PAX7: variants seen among roughly 807,000 people sequenced by gnomAD.
PAX7 encodes paired box 7, also known as paired box protein Pax-7.
A neutral mutation model predicts 50.7 loss-of-function variants in PAX7; 18 were observed. That is an observed-to-expected ratio of 0.36 (90% confidence interval 0.25 to 0.53). PAX7 has a LOEUF of 0.53. Among genes scored for constraint, PAX7 ranks in the 20% least tolerant of loss-of-function variants. The pLI, the probability that PAX7 is intolerant of heterozygous loss-of-function variation, is 0.93. For missense variants in PAX7, 644 were observed against 702.9 expected, an observed-to-expected ratio of 0.92 and a Z score of 0.95; for synonymous variants, 310 against 290.4, an observed-to-expected ratio of 1.07 and a Z score of -0.69.
chr1:18,729,478 G>A (rs1553143358), intron 7 of PAX7, among the ~76,000 whole-genome samples: 1 of 152,214 alleles, frequency 6.6e-6, no homozygotes, highest in Non-Finnish European at 1.5e-5. Flanking sequence ...ACATGCAAGT[G>A]TGTGCATGTG....
chr1:18,645,333 TTGTC>T (rs942896622), intron 4 of PAX7, among the ~76,000 whole-genome samples: 5 of 152,206 alleles, frequency 3.3e-5, no homozygotes, highest in East Asian at 1.9e-4. Context: ...ACTGCACTCT[TTGTC>T]TGACACCACG....
chr1:18,685,392 G>A (rs889435387), intron 4 of PAX7, among the ~76,000 whole-genome samples: 2 of 152,186 alleles, frequency 1.3e-5, no homozygotes, highest in African/African-American at 4.8e-5. Context: ...CACATGCTGT[G>A]TCCTAGGCAT....
chr1:18,670,019 G>T (rs1385894346), intron 4 of PAX7, among the ~76,000 whole-genome samples: 2 of 143,316 alleles, frequency 1.4e-5, no homozygotes, highest in Middle Eastern at 4.2e-3. Context: ...GGAGGCAGAG[G>T]TTGCAGTGAG....
At chr1:18,690,201 G>A (rs939703987) in intron 4 of PAX7, among the ~76,000 whole-genome samples, 1 of 152,182 alleles carries the variant, frequency 6.6e-6, no homozygotes, top group Non-Finnish European at 1.5e-5. Flanking sequence ...AGGAGTGAAT[G>A]AGTCAATGAC....
chr1:18,679,715 T>A (rs2088870720), intron 4 of PAX7, among the ~76,000 whole-genome samples: 1 of 152,216 alleles, frequency 6.6e-6, no homozygotes, highest in African/African-American at 2.4e-5. Flanking sequence ...ACGTGGGGTC[T>A]GTAGGCATGG....
At chr1:18,663,888 C>A (rs2088632537) in intron 4 of PAX7, among the ~76,000 whole-genome samples, 1 of 152,256 alleles carries the variant, frequency 6.6e-6, no homozygotes, top group Non-Finnish European at 1.5e-5. Flanking sequence ...TTCAGGCCAG[C>A]TGCTACCAGC....
intron 4 of PAX7, among the ~76,000 whole-genome samples, chr1:18,678,516 C>T (rs754064831): frequency 6.6e-6 from 1 of 152,180 alleles, no homozygotes; most frequent in Non-Finnish European, 1.5e-5. Context: ...TCGAGGAACT[C>T]CCTGTCTTAT....
chr1:18,649,118 T>G (rs1018022408), intron 4 of PAX7, among the ~76,000 whole-genome samples: 1 of 152,068 alleles, frequency 6.6e-6, no homozygotes, highest in Non-Finnish European at 1.5e-5. Flanking sequence ...ATCTGGCCAT[T>G]TTACAGATGG....
At position 18,636,288 on chromosome 1, in the gene PAX7, A is replaced by T. The variant is rs1373090969; in HGVS notation, c.503A>T (p.Glu168Val). The change falls in exon 4 of 9, where the codon GAG becomes GTG. Residue 168 changes from glutamate (E) to valine (V), a missense_variant. Coordinates refer to ENST00000420770, the MANE Select transcript of PAX7 (RefSeq NM_001135254.2). The surrounding 1 kb of genome is among the most constrained non-coding windows in gnomAD (Gnocchi z 5.1). ...RVLRIKFGKK[E>V]EEDEADKKED... ...CTCAGAATCAAGTTCGGGAAGAAAG[A>T]GGAGGAGGATGAAGCGGACAAGAAG... 2 of 1,614,146 alleles carry T rather than the reference A, an allele frequency of 1.2e-6. No individual in the cohort carries two copies. Among genetic ancestry groups the T allele is most frequent in the Non-Finnish European group, 8.5e-7 (1 of 1,179,966 alleles).
chr1:18,660,107 G>A (rs951940873), intron 4 of PAX7, among the ~76,000 whole-genome samples: 1 of 152,094 alleles, frequency 6.6e-6, no homozygotes, highest in South Asian at 2.1e-4. Flanking sequence ...CCTTATCAAC[G>A]CTCCCAAATT....
rs183826311 is a variant in PAX7 at position 18,713,434 on chromosome 1, G to T, written c.1155+10138G>T. Among the ~76,000 whole-genome samples the T allele has an allele frequency of 4.6e-5, 7 of 152,322 alleles. No individual in the cohort carries two copies. In the East Asian group the frequency reaches 1.2e-3, roughly 25 times the overall value. ...TGGGCAACCCGCAGGCATACAGCAG[G>T]CCTGGTGAGACACAGCTGTAGTCCA... On this transcript the variant is annotated intron_variant, in intron 7 of 8. Coordinates refer to ENST00000420770, the MANE Select transcript of PAX7 (RefSeq NM_001135254.2).
At chr1:18,653,900 G>A (rs545123040) in intron 4 of PAX7, among the ~76,000 whole-genome samples, 10 of 152,156 alleles carry the variant, frequency 6.6e-5, no homozygotes, top group African/African-American at 1.9e-4. Flanking sequence ...CGCCAGCGTC[G>A]GTCATGGGGC....
chr1:18,682,824 G>T (rs1334101926), intron 4 of PAX7, among the ~76,000 whole-genome samples: 2 of 152,186 alleles, frequency 1.3e-5, no homozygotes, highest in Non-Finnish European at 2.9e-5. Context: ...GGGGTAGGCA[G>T]GACCTAGGGA....
intron 4 of PAX7, among the ~76,000 whole-genome samples, chr1:18,646,699 T>A (rs2088345491): frequency 1.3e-5 from 2 of 151,794 alleles, no homozygotes; most frequent in Admixed American, 1.3e-4. Flanking sequence ...CGAAAGCGGC[T>A]TTGAAGAGGC....
chr1:18,727,382 A>T (rs1479534570), intron 7 of PAX7, among the ~76,000 whole-genome samples: 44 of 138,776 alleles, frequency 3.2e-4, no homozygotes, highest in African/African-American at 9.6e-4. Flanking sequence ...ACACACACAC[A>T]CACACACACA....
chr1:18,698,901 A>G (rs1476112831), intron 5 of PAX7, among the ~76,000 whole-genome samples: 1 of 152,148 alleles, frequency 6.6e-6, no homozygotes, highest in Non-Finnish European at 1.5e-5. Context: ...AGGGGTGCAT[A>G]AGCGCCCTCC....
chr1:18,662,833 A>G (rs2088619384), intron 4 of PAX7, among the ~76,000 whole-genome samples: 1 of 152,106 alleles, frequency 6.6e-6, no homozygotes, highest in African/African-American at 2.4e-5. Context: ...TTGGACTCCC[A>G]AAGTCCTGGG....
chr1:18,740,196 C>T (rs1931050208), intron 8 of PAX7, among the ~76,000 whole-genome samples: 1 of 152,320 alleles, frequency 6.6e-6, no homozygotes, highest in South Asian at 2.1e-4. Context: ...CCTGCCCTCG[C>T]CGGCCCCTCG....
rs140086399 is a variant in PAX7 at position 18,691,788 on chromosome 1, G to A, written c.621G>A (p.Ser207=). The A allele has an allele frequency of 2.9e-5, 47 of 1,601,256 alleles. 2 individuals carry two copies. In the Middle Eastern group the frequency reaches 6.6e-4, roughly 22 times the overall value. ...NRLDEGSDVE[S]EPDLPLKRKQ... ...TGGACGAGGGCTCGGATGTGGAGTC[G>A]GAACCTGACCTCCCACTGAAGCGCA... Residue 207 remains serine (S), a synonymous_variant, in exon 5 of 9, where the codon TCG becomes TCA. Transcript: ENST00000420770.
Sources: allele counts gnomAD v4.1 joint callset (sites outside exome capture counted in the v4.1 genomes callset), GRCh38; gene constraint gnomAD v4.1.1; non-coding constraint Gnocchi (gnomAD v3.1); transcripts MANE v1.5; gene names NCBI Gene and HGNC (gene_info 2026-07-23, HGNC 2026-07-21).